The following PDZD2 variants were observed in gnomAD, a reference collection of about 807,000 sequenced individuals.
PDZD2 encodes the protein PDZ domain containing 2.
In PDZD2, 90 loss-of-function variants were observed where a neutral mutation model predicts 220.7. The ratio of observed to expected loss-of-function variants is 0.41; its 90% CI spans 0.34 to 0.49. PDZD2 has a LOEUF of 0.49. Among genes scored for constraint, PDZD2 ranks in the 20% least tolerant of loss-of-function variants. The pLI is 0.28. For synonymous variants in PDZD2, 1,375 were observed against 1,450.5 expected (o/e 0.95, Z 1.18); for missense variants, 3,174 against 3,608.5 (o/e 0.88, Z 3.08).
Position 32,061,068 on chromosome 5 carries a change from C to G in PDZD2, c.2385C>G (p.His795Gln), listed in dbSNP as rs775110641. 5.0e-6 allele frequency: 8 copies of G among 1,614,106 alleles called. No individual in the cohort carries two copies. The highest frequency in any genetic ancestry group is 6.8e-6 in the Non-Finnish European group (8 of 1,179,942). The change falls in exon 14 of 25, where the codon CAC becomes CAG. Residue 795 changes from histidine to glutamine, a missense_variant. Coordinates refer to ENST00000438447, the MANE Select transcript of PDZD2 (RefSeq NM_178140.4). The part of the protein sequence containing the change: ...NVRHAALSKV[H>Q]AILSKCPPGP... ...GCCATGCTGCTTTAAGCAAAGTCCA[C>G]GCCATCTTGAGTAAATGCCCTCCAG...
intron 2 of PDZD2, among the ~76,000 whole-genome samples, chr5:31,866,733 C>T (rs1447577394): frequency 1.3e-5 from 2 of 152,074 alleles, no homozygotes; most frequent in Non-Finnish European, 2.9e-5. Context: ...AGTCTGTATG[C>T]GGGTATCATA....
chr5:31,860,175 C>T (rs142248505), intron 2 of PDZD2, among the ~76,000 whole-genome samples: 7 of 152,106 alleles, frequency 4.6e-5, no homozygotes, highest in Non-Finnish European at 8.8e-5. Flanking sequence ...TGTTTTTTCG[C>T]CCCTGCCTCA....
Position 31,878,645 on chromosome 5 carries a change from C to T in PDZD2, c.476+78921C>T, listed in dbSNP as rs192006287. On this transcript the variant is annotated intron_variant, in intron 2 of 24. Transcript: ENST00000438447. ...CGCGATCTCGGCTCACTGCAGGCTCCGCCCCCCGGGGTTCACGCCATTCTC... is the reference window on the plus strand; with the variant it reads ...CGCGATCTCGGCTCACTGCAGGCTCTGCCCCCCGGGGTTCACGCCATTCTC... Among the ~76,000 whole-genome samples the T allele has an allele frequency of 6.8e-3, 980 of 144,612 alleles. 12 individuals carry two copies. The highest frequency in any genetic ancestry group is 0.023 in the African/African-American group (925 of 39,640). The allele number at this position is 144,612 out of a possible 152,430, so 94.9% of individuals were successfully genotyped here.
intron 2 of PDZD2, among the ~76,000 whole-genome samples, chr5:31,808,039 A>G (rs1296027851): frequency 6.6e-6 from 1 of 152,236 alleles, no homozygotes; most frequent in Non-Finnish European, 1.5e-5. Context: ...AGGCTGCTAG[A>G]AGGTGTTACT....
rs967208202 is a variant in PDZD2 at position 31,741,118 on chromosome 5, C to G, written c.-360-57771C>G. 2.0e-5 allele frequency among the ~76,000 whole-genome samples: 3 copies of G among 152,064 alleles called. No homozygotes were observed. The South Asian group carries it at 6.2e-4, about 32-fold the overall frequency. ...GCATAATTTTTAATAATATACATCT[C>G]CCATGTACTTTTTGAAGACCCCTTG... On this transcript the variant is annotated intron_variant, in intron 1 of 24. Transcript: ENST00000438447.
chr5:31,955,683 C>CTTT (rs34964306), intron 2 of PDZD2, among the ~76,000 whole-genome samples: 81 of 116,786 alleles, frequency 6.9e-4, no homozygotes, highest in Non-Finnish European at 8.5e-4. Flanking sequence ...GGGCTCTGTT[C>CTTT]TTTTTTTTTT....
intron 2 of PDZD2, among the ~76,000 whole-genome samples, chr5:31,850,064 G>GTA (rs1183911383): frequency 4.7e-5 from 6 of 128,818 alleles, no homozygotes; most frequent in South Asian, 2.5e-4. Flanking sequence ...GTATATATAA[G>GTA]TATATATATG....
intron 6 of PDZD2, among the ~76,000 whole-genome samples, chr5:32,029,532 T>C (rs889216): frequency 0.95 from 144,970 of 152,046 alleles, 69,348 homozygotes; most frequent in African/African-American, 0.97. Flanking sequence ...CCCTTTCCCC[T>C]GCAAGTCCTG....
chr5:31,963,528 G>T (rs1011080318), intron 2 of PDZD2, among the ~76,000 whole-genome samples: 1 of 152,196 alleles, frequency 6.6e-6, no homozygotes, highest in Non-Finnish European at 1.5e-5. Flanking sequence ...GAGCAGCCTA[G>T]CCTGCATGTT....
intron 1 of PDZD2, among the ~76,000 whole-genome samples, chr5:31,796,585 G>A (rs1218138235): frequency 6.6e-6 from 1 of 152,152 alleles, no homozygotes; most frequent in Non-Finnish European, 1.5e-5. Flanking sequence ...CCCAGCGTGG[G>A]TGAGATGTCA....
chr5:32,081,751 T>C (rs1329734145), intron 19 of PDZD2, among the ~76,000 whole-genome samples: 1 of 152,242 alleles, frequency 6.6e-6, no homozygotes, highest in Non-Finnish European at 1.5e-5. Context: ...TGGCGGAGTC[T>C]TGCTCTGTTG....
Position 31,799,243 on chromosome 5 carries a change from A to G in PDZD2, c.-6A>G. 1 of 1,571,222 alleles carries G rather than the reference A, an allele frequency of 6.4e-7. No homozygotes were observed. The highest frequency in any genetic ancestry group is 8.7e-7 in the Non-Finnish European group (1 of 1,152,426). ...CTGATGATGCTGGTGTCTGGGAGTG[A>G]GCACCATGCCCATCACCCAGGACAA... On this transcript the variant is annotated 5_prime_UTR_variant, in exon 2 of 25. It removes the in-frame stop codon of an upstream open reading frame in the 5' UTR. Coordinates refer to ENST00000438447, the MANE Select transcript of PDZD2 (RefSeq NM_178140.4).
chr5:31,920,059 G>A (rs1162447781), intron 2 of PDZD2, among the ~76,000 whole-genome samples: 2 of 151,800 alleles, frequency 1.3e-5, no homozygotes, highest in African/African-American at 4.8e-5. Flanking sequence ...AGGCTAAAGT[G>A]GCCTTCTTGA....
chr5:31,990,265 C>A (rs553589696), intron 3 of PDZD2, among the ~76,000 whole-genome samples: 1 of 152,236 alleles, frequency 6.6e-6, no homozygotes, highest in East Asian at 1.9e-4. Flanking sequence ...CTTTAATGTA[C>A]CGCTCCTGTT....
At chr5:32,062,497 G>T (rs773926205) in intron 14 of PDZD2, among the ~76,000 whole-genome samples, 1 of 151,026 alleles carries the variant, frequency 6.6e-6, no homozygotes, top group Non-Finnish European at 1.5e-5. Flanking sequence ...GGGTTCCAGC[G>T]ATCCTCCCAC....
In PDZD2 at chr5:32,058,079, G is replaced by A. The variant is rs140771130; in HGVS notation, c.2176G>A (p.Val726Ile). ...RKTPGPKDRI[V>I]MEVTLNKEPR... ...GACCCCTGGGCCCAAGGACAGGATC[G>A]TCATGGAAGTAACACTCAACAAAGG... Residue 726 changes from valine (V) to isoleucine (I), a missense_variant, in exon 12 of 25, where the codon GTC becomes ATC. Around this residue, in one of 4 missense-constraint regions of PDZD2, gnomAD observed 1,861 missense variants for 2,001.0 expected, o/e 0.93. Coordinates refer to ENST00000438447, the MANE Select transcript of PDZD2 (RefSeq NM_178140.4). 173 of 1,589,476 alleles carry A rather than the reference G, an allele frequency of 1.1e-4. 1 individual carries two copies. The highest frequency in any genetic ancestry group is 1.1e-3 in the South Asian group (96 of 90,556).
rs1745245855 is a variant in PDZD2 at position 32,110,175 on chromosome 5, TA to T, written c.*2042del. On this transcript the variant is annotated 3_prime_UTR_variant, in exon 25 of 25. Coordinates refer to ENST00000438447, the MANE Select transcript of PDZD2 (RefSeq NM_178140.4). Reference sequence around the variant, plus strand: ...CCTCCACTCTTACAGCTGTGCCTAATAATAATTAATTAATAAACGCACAGCC... The same window carrying T: ...CCTCCACTCTTACAGCTGTGCCTAATATAATTAATTAATAAACGCACAGCC... 6.6e-6 allele frequency: 1 copy of T among 152,614 alleles called. No homozygotes were observed. Among genetic ancestry groups the T allele is most frequent in the South Asian group, 2.1e-4 (1 of 4,826 alleles). 9.5% of individuals were successfully genotyped at this position (152,614 alleles called of 1,614,324 possible). A position where few individuals can be genotyped will look rare whatever the true frequency, so the allele number is the denominator to read the frequency against.
At chr5:31,818,304 A>G (rs1755601210) in intron 2 of PDZD2, among the ~76,000 whole-genome samples, 1 of 152,150 alleles carries the variant, frequency 6.6e-6, no homozygotes, top group African/African-American at 2.4e-5. Context: ...ACAGGCATGA[A>G]AAATCAAAAT....
intron 3 of PDZD2, among the ~76,000 whole-genome samples, chr5:31,994,193 T>A: frequency 6.6e-6 from 1 of 151,670 alleles, no homozygotes; most frequent in Non-Finnish European, 1.5e-5. Flanking sequence ...AATTTTTTTA[T>A]ATTTTTAGTA....
Sources: allele counts gnomAD v4.1 joint callset (sites outside exome capture counted in the v4.1 genomes callset), GRCh38; gene constraint gnomAD v4.1.1; regional missense constraint gnomAD v4.1.1; transcripts MANE v1.5; gene names NCBI Gene and HGNC (gene_info 2026-07-23, HGNC 2026-07-21).